The following LHPP variants were observed in gnomAD, a reference collection of about 807,000 sequenced individuals.
LHPP encodes the protein phospholysine phosphohistidine inorganic pyrophosphate phosphatase.
A neutral mutation model predicts 30.3 loss-of-function variants in LHPP; 24 were observed. The ratio of observed to expected loss-of-function variants is 0.79; its 90% confidence interval spans 0.57 to 1.11. The LOEUF (loss-of-function observed/expected upper bound fraction) is 1.11. Among genes scored for constraint, LHPP ranks in the 50% most tolerant of loss-of-function variants. The probability of loss-of-function intolerance (pLI) is 0.00; values close to 1 mark genes in which losing one functional copy is unlikely to be tolerated. For missense variants in LHPP, 356 were observed against 367.2 expected, an observed-to-expected ratio of 0.97 and a Z score of 0.25; for synonymous variants, 150 against 157.1, an observed-to-expected ratio of 0.95 and a Z score of 0.34.
intron 6 of LHPP, among the ~76,000 whole-genome samples, chr10:124,591,048 C>T (rs1434329648): frequency 1.3e-5 from 2 of 152,098 alleles, no homozygotes; most frequent in African/African-American, 4.8e-5. Context: ...GAGTGCAGAG[C>T]AGCCCTCTGA....
intron 6 of LHPP, among the ~76,000 whole-genome samples, chr10:124,567,874 T>G (rs1686598876): frequency 6.6e-6 from 1 of 152,262 alleles, no homozygotes; most frequent in South Asian, 2.1e-4. Flanking sequence ...TCTGCTCTAA[T>G]GCATGGTCTT....
intron 6 of LHPP, among the ~76,000 whole-genome samples, chr10:124,584,247 C>A (rs1392673249): frequency 1.3e-5 from 2 of 151,424 alleles, no homozygotes; most frequent in Non-Finnish European, 2.9e-5. Context: ...CACCTGTAGT[C>A]TCAGCTACTC....
intron 6 of LHPP, among the ~76,000 whole-genome samples, chr10:124,560,305 C>T (rs768065489): frequency 1.3e-5 from 2 of 152,218 alleles, no homozygotes; most frequent in Non-Finnish European, 2.9e-5. Flanking sequence ...CATCAGTTAA[C>T]ATGTGGCATA....
Position 124,590,526 on chromosome 10 carries a change from C to T in LHPP, c.717-22738C>T, listed in dbSNP as rs1948869966. Reference sequence around the variant, plus strand: ...GGGGACTTGGCTCTCCTGCCAAGCCCCCACCCAGCACCTGTCCCTTGTGTC... The same window carrying T: ...GGGGACTTGGCTCTCCTGCCAAGCCTCCACCCAGCACCTGTCCCTTGTGTC... On this transcript the variant is annotated intron_variant, in intron 6 of 6. Coordinates refer to ENST00000368842, the MANE Select transcript of LHPP (RefSeq NM_022126.4). This position sits in a 1 kb window ranked among gnomAD's most constrained non-coding sequence, Gnocchi z 4.3. Among the ~76,000 whole-genome samples, 2 of 152,140 alleles carry T rather than the reference C, an allele frequency of 1.3e-5. No individual in the cohort carries two copies. The highest frequency in any genetic ancestry group is 4.8e-5 in the African/African-American group (2 of 41,434).
rs945123280 is a variant in LHPP at position 124,523,651 on chromosome 10, A to AG, written c.716+6386dup. Among the ~76,000 whole-genome samples the AG allele has an allele frequency of 9.9e-5, 15 of 152,096 alleles. No homozygotes were observed. The highest frequency in any genetic ancestry group is 1.6e-4 in the Non-Finnish European group (11 of 68,026). ...ATGTCAAAGTGAGTGGCTAGCAAGC[A>AG]GGGGGGTCCAGGCTGTGGTGGCCCT... On this transcript the variant is annotated intron_variant, in intron 6 of 6. Coordinates refer to ENST00000368842, the MANE Select transcript of LHPP (RefSeq NM_022126.4). This position sits in a 1 kb window ranked among gnomAD's most constrained non-coding sequence, Gnocchi z 4.2.
intron 1 of LHPP, among the ~76,000 whole-genome samples, chr10:124,468,126 A>G (rs550196738): frequency 9.2e-5 from 14 of 152,278 alleles, no homozygotes; most frequent in Non-Finnish European, 1.3e-4. Context: ...TTTTGAGCAG[A>G]TGACCCCCAC....
chr10:124,491,186 C>A (rs371588750), intron 3 of LHPP, among the ~76,000 whole-genome samples: 25 of 152,234 alleles, frequency 1.6e-4, no homozygotes, highest in African/African-American at 5.8e-4. Context: ...ATTCTAGAAT[C>A]ACAGGCTCCC....
chr10:124,498,726 G>C, intron 5 of LHPP: 1 of 457,076 alleles, frequency 2.2e-6, no homozygotes, highest in Non-Finnish European at 4.2e-6. Flanking sequence ...GTGCAGTGTA[G>C]TGGCACAGTC....
chr10:124,506,080 C>T (rs1307294838), intron 5 of LHPP, among the ~76,000 whole-genome samples: 1 of 151,922 alleles, frequency 6.6e-6, no homozygotes, highest in Non-Finnish European at 1.5e-5. Flanking sequence ...CCTGTCTCTA[C>T]AAAAAAATAC....
At chr10:124,529,874 G>C (rs1228992858) in intron 6 of LHPP, among the ~76,000 whole-genome samples, 7 of 152,170 alleles carry the variant, frequency 4.6e-5, no homozygotes, top group Admixed American at 4.6e-4. Context: ...CTGTGGGAGG[G>C]CAGGATCCCA....
intron 6 of LHPP, among the ~76,000 whole-genome samples, chr10:124,549,985 G>C (rs549161097): frequency 6.7e-6 from 1 of 148,310 alleles, no homozygotes; most frequent in Non-Finnish European, 1.5e-5. Flanking sequence ...GCCTCGCAGG[G>C]ACTGGGTGGC....
At chr10:124,494,051 C>T (rs535437280) in intron 3 of LHPP, among the ~76,000 whole-genome samples, 418 of 152,248 alleles carry the variant, frequency 2.7e-3, no homozygotes, top group Non-Finnish European at 4.5e-3. Context: ...TCTGGAAGTT[C>T]GTGTTCTCCT....
Position 124,512,552 on chromosome 10 carries a change from G to A in LHPP, c.625-4628G>A, listed in dbSNP as rs531722420. ...GAATGGCGTGAACCTGGGAGGCGGA[G>A]CTTGCAGTGAGCCGAGATCGCGCCA... On this transcript the variant is annotated intron_variant, in intron 5 of 6. Coordinates refer to ENST00000368842, the MANE Select transcript of LHPP (RefSeq NM_022126.4). Among the ~76,000 whole-genome samples the A allele has an allele frequency of 5.1e-4, 75 of 147,048 alleles. 1 individual carries two copies. Among genetic ancestry groups the A allele is most frequent in the Admixed American group, 2.7e-3 (39 of 14,396 alleles).
At chr10:124,489,767 CTTTTTTT>C (rs113778319) in intron 3 of LHPP, 1 of 155,674 alleles carries the variant, frequency 6.4e-6, no homozygotes, top group Admixed American at 6.9e-5. Flanking sequence ...TAATTTTTTT[CTTTTTTT>C]TTTTTTCTGC....
intron 6 of LHPP, among the ~76,000 whole-genome samples, chr10:124,595,741 C>T (rs117435850): frequency 1.9e-3 from 284 of 152,290 alleles, no homozygotes; most frequent in Middle Eastern, 0.01. Context: ...GCATCTGTCC[C>T]AGTACAAATA....
At chr10:124,553,109 G>A (rs890150424) in intron 6 of LHPP, among the ~76,000 whole-genome samples, 1 of 152,238 alleles carries the variant, frequency 6.6e-6, no homozygotes, top group Admixed American at 6.5e-5. Flanking sequence ...AGGGCAGTCA[G>A]TGCCTGCTTT....
intron 6 of LHPP, among the ~76,000 whole-genome samples, chr10:124,552,922 A>G (rs1948199980): frequency 1.3e-5 from 2 of 152,260 alleles, no homozygotes; most frequent in African/African-American, 4.8e-5. Context: ...CCATAGATCA[A>G]TGGGTTTGGA....
At chr10:124,574,590 G>A (rs1200527947) in intron 6 of LHPP, among the ~76,000 whole-genome samples, 11 of 152,138 alleles carry the variant, frequency 7.2e-5, no homozygotes, top group Admixed American at 6.5e-4. Context: ...GTCAACCAAA[G>A]TCCTGAGTTT....
chr10:124,520,069 G>A (rs545374456), intron 6 of LHPP, among the ~76,000 whole-genome samples: 4 of 151,958 alleles, frequency 2.6e-5, no homozygotes, highest in Non-Finnish European at 5.9e-5. Context: ...TCCTGACCCC[G>A]TGATCTGCCC....
Sources: allele counts gnomAD v4.1 joint callset (sites outside exome capture counted in the v4.1 genomes callset), GRCh38; gene constraint gnomAD v4.1.1; non-coding constraint Gnocchi (gnomAD v3.1); transcripts MANE v1.5; gene names NCBI Gene and HGNC (gene_info 2026-07-23, HGNC 2026-07-21).